The following FAM135B variants were observed in gnomAD, a reference collection of about 807,000 sequenced individuals.
FAM135B encodes protein FAM135B.
A neutral mutation model predicts 127.7 loss-of-function variants in FAM135B; 43 were observed. The ratio of observed to expected loss-of-function variants is 0.34; its 90% CI spans 0.26 to 0.43. The LOEUF is 0.43. FAM135B is among the 20% of genes least tolerant of loss of function. FAM135B has a pLI of 1.00. For missense variants in FAM135B, 1,558 were observed against 1,725.6 expected (o/e 0.90, Z 1.72); for synonymous variants, 670 against 665.1 (o/e 1.01, Z -0.11).
intron 3 of FAM135B, among the ~76,000 whole-genome samples, chr8:138,308,224 C>G (rs1826406249): frequency 6.6e-6 from 1 of 152,232 alleles, no homozygotes; most frequent in Admixed American, 6.5e-5. Context: ...AGCTGTCGCT[C>G]ATCTGGTGCA....
chr8:138,184,929 T>C (rs1364336074), intron 9 of FAM135B, among the ~76,000 whole-genome samples: 3 of 152,196 alleles, frequency 2.0e-5, no homozygotes, highest in Non-Finnish European at 4.4e-5. Flanking sequence ...CATGTGCACA[T>C]TAAAGTGTGA....
chr8:138,202,065 C>T lies in FAM135B; in HGVS notation c.670-4396G>A, dbSNP rs991650660. Reference sequence around the variant, plus strand: ...GCTTGAACCTGAGAGGTGGAGGTTGCGGTGAGCAAAGATCACGCCATTGCA... The same window carrying T: ...GCTTGAACCTGAGAGGTGGAGGTTGTGGTGAGCAAAGATCACGCCATTGCA... On this transcript the variant is annotated intron_variant, in intron 7 of 19. Coordinates refer to ENST00000395297, the MANE Select transcript of FAM135B (RefSeq NM_015912.4). 6.4e-5 allele frequency among the ~76,000 whole-genome samples: 8 copies of T among 124,650 alleles called. No individual in the cohort carries two copies. The East Asian group carries it at 1.3e-3, about 21-fold the overall frequency. The allele number at this position is 124,650 out of a possible 152,430, so 81.8% of individuals were successfully genotyped here.
rs2130748347 is a variant in FAM135B, at chr8:138,151,917, T to C, written c.2558A>G (p.Lys853Arg). 6.2e-7 allele frequency: 1 copy of C among 1,614,208 alleles called. No homozygotes were observed. The highest frequency in any genetic ancestry group is 8.5e-7 in the Non-Finnish European group (1 of 1,180,046). Residue 853 changes from lysine (K) to arginine (R), a missense_variant, in exon 13 of 20, where the codon AAG (lysine) becomes AGG (arginine). Physicochemically the swap from Lys to Arg is conservative, Grantham distance 26 (BLOSUM62 2). This residue lies in a region of FAM135B where 923 missense variants were observed against 865.3 expected (regional missense o/e 1.07). Transcript: ENST00000395297. The part of the protein sequence containing the change: ...GYIDIPKGKG[K>R]QFDAQGHCLP... ...ACAGTGTCCTTGAGCATCAAACTGC[T>C]TCCCTTTCCCTTTGGGGATGTCTAT...
In FAM135B at chr8:138,344,636, C is replaced by T. The variant is rs149281932; in HGVS notation, c.77+23271G>A. On this transcript the variant is annotated intron_variant, in intron 2 of 19. Coordinates refer to ENST00000395297, the MANE Select transcript of FAM135B (RefSeq NM_015912.4). ...TGTCGCCCAGGCTGGAGTGCAGTGG[C>T]GCGATCTCAGCTCACTGCAATCTCC... is the stretch of plus-strand genomic sequence containing the variant. Among the ~76,000 whole-genome samples, 217 of 137,472 alleles carry T rather than the reference C, an allele frequency of 1.6e-3. 1 individual carries two copies. Among genetic ancestry groups the T allele is most frequent in the African/African-American group, 5.6e-3 (199 of 35,748 alleles). The allele number at this position is 137,472 out of a possible 152,430, so 90.2% of individuals were successfully genotyped here. A position where few individuals can be genotyped will look rare whatever the true frequency, so the allele number is the denominator to read the frequency against.
Position 138,478,957 on chromosome 8 carries a change from C to T in FAM135B, c.-20+17714G>A, listed in dbSNP as rs577578943. ...AGATGCCAATGGGAAGTCCAGTTGT[C>T]ATCTGTGCCTCTGACTGACCAGCTC... On this transcript the variant is annotated intron_variant, in intron 1 of 19. Coordinates refer to ENST00000395297, the MANE Select transcript of FAM135B (RefSeq NM_015912.4). Among the ~76,000 whole-genome samples, 13 of 152,314 alleles carry T rather than the reference C, an allele frequency of 8.5e-5. No homozygotes were observed. In the South Asian group the frequency reaches 2.7e-3, roughly 32 times the overall value.
At chr8:138,461,035 G>A (rs1280982532) in intron 1 of FAM135B, among the ~76,000 whole-genome samples, 1 of 152,156 alleles carries the variant, frequency 6.6e-6, no homozygotes, top group Non-Finnish European at 1.5e-5. Flanking sequence ...GGGAACCGGT[G>A]AGATAAGGAT....
chr8:138,220,082 C>T (rs1004996205), intron 7 of FAM135B, among the ~76,000 whole-genome samples: 3 of 151,912 alleles, frequency 2.0e-5, no homozygotes, highest in Non-Finnish European at 4.4e-5. Context: ...CACACACACA[C>T]ACACACACGT....
intron 3 of FAM135B, among the ~76,000 whole-genome samples, chr8:138,281,576 G>A (rs891377902): frequency 1.3e-5 from 2 of 151,908 alleles, no homozygotes; most frequent in African/African-American, 4.8e-5. Flanking sequence ...CTCCAATGTT[G>A]TTCCACTCCT....
intron 7 of FAM135B, among the ~76,000 whole-genome samples, chr8:138,212,578 C>T (rs564583512): frequency 2.6e-5 from 4 of 152,184 alleles, no homozygotes; most frequent in Non-Finnish European, 4.4e-5. Context: ...ACTCTGCAGA[C>T]AGCAGATTCT....
At chr8:138,470,313 T>C (rs1304466228) in intron 1 of FAM135B, among the ~76,000 whole-genome samples, 2 of 152,158 alleles carry the variant, frequency 1.3e-5, no homozygotes, top group African/African-American at 2.4e-5. Context: ...AAAAACCATA[T>C]ACACCCATAT....
intron 17 of FAM135B, among the ~76,000 whole-genome samples, chr8:138,140,245 C>G (rs559154478): frequency 1.3e-5 from 2 of 152,226 alleles, no homozygotes; most frequent in Admixed American, 6.5e-5. Flanking sequence ...CTAAACTGAC[C>G]AGGCCATGAG....
intron 2 of FAM135B, among the ~76,000 whole-genome samples, chr8:138,356,613 T>G (rs1830106027): frequency 6.6e-6 from 1 of 152,148 alleles, no homozygotes; most frequent in East Asian, 1.9e-4. Context: ...AAACACCAAA[T>G]TTTACTTGGT....
intron 1 of FAM135B, among the ~76,000 whole-genome samples, chr8:138,426,072 C>CACAT (rs1554690936): frequency 3.6e-5 from 3 of 83,698 alleles, no homozygotes; most frequent in African/African-American, 7.4e-5. Flanking sequence ...CACACACACA[C>CACAT]ATATATAAAA....
intron 1 of FAM135B, among the ~76,000 whole-genome samples, chr8:138,398,437 C>T (rs952833644): frequency 1.2e-4 from 18 of 152,178 alleles, no homozygotes; most frequent in African/African-American, 3.4e-4. Context: ...CTTCCTTTCC[C>T]ACCCCTGCAG....
chr8:138,417,878 A>G (rs1248264788), intron 1 of FAM135B, among the ~76,000 whole-genome samples: 1 of 152,198 alleles, frequency 6.6e-6, no homozygotes, highest in African/African-American at 2.4e-5. Context: ...AACTCTGGTG[A>G]CACTAAAAGC....
At chr8:138,290,989 C>G (rs1739053004) in intron 3 of FAM135B, among the ~76,000 whole-genome samples, 1 of 152,118 alleles carries the variant, frequency 6.6e-6, no homozygotes, top group South Asian at 2.1e-4. Flanking sequence ...ATGCTGCCTG[C>G]CATAGATGAG....
intron 1 of FAM135B, among the ~76,000 whole-genome samples, chr8:138,493,418 T>TG (rs1815275677): frequency 6.6e-6 from 1 of 152,230 alleles, no homozygotes; most frequent in South Asian, 2.1e-4. Flanking sequence ...GAGACTCATT[T>TG]GGGGCATTTC....
intron 2 of FAM135B, among the ~76,000 whole-genome samples, chr8:138,341,782 A>G (rs1829065069): frequency 6.6e-6 from 1 of 152,128 alleles, no homozygotes; most frequent in Admixed American, 6.5e-5. Flanking sequence ...TCCCAAAAGC[A>G]TAAAGACAAA....
chr8:138,455,551 G>A (rs1836728935), intron 1 of FAM135B, among the ~76,000 whole-genome samples: 1 of 152,118 alleles, frequency 6.6e-6, no homozygotes, highest in African/African-American at 2.4e-5. Context: ...AAACCTAAAT[G>A]TAGGTTTTTA....
Sources: allele counts gnomAD v4.1 joint callset (sites outside exome capture counted in the v4.1 genomes callset), GRCh38; gene constraint gnomAD v4.1.1; regional missense constraint gnomAD v4.1.1; transcripts MANE v1.5; gene names NCBI Gene and HGNC (gene_info 2026-07-23, HGNC 2026-07-21).